Variants in CNBD1 observed in about 807,000 individuals in gnomAD.
CNBD1 encodes the protein cyclic nucleotide-binding domain-containing protein 1.
In CNBD1, 71 loss-of-function variants were observed where a neutral mutation model predicts 54.4. That is an observed-to-expected ratio of 1.30 (90% confidence interval 1.08 to 1.59). The LOEUF (loss-of-function observed/expected upper bound fraction) is 1.59, where lower values mean the gene tolerates loss of function less well. Among genes scored for constraint, CNBD1 ranks in the 40% most tolerant of loss-of-function variants. The probability of loss-of-function intolerance (pLI) is 0.00; values close to 1 mark genes in which losing one functional copy is unlikely to be tolerated. For missense variants in CNBD1, 659 were observed against 518.0 expected, an observed-to-expected ratio of 1.27 and a Z score of -2.64; for synonymous variants, 182 against 170.7, an observed-to-expected ratio of 1.07 and a Z score of -0.51.
chr8:87,083,657 C>T (rs537470496), intron 4 of CNBD1, among the ~76,000 whole-genome samples: 4 of 144,680 alleles, frequency 2.8e-5, no homozygotes, highest in South Asian at 2.2e-4. Context: ...GGCTGGATCT[C>T]GGCTAAGTGC....
intron 4 of CNBD1, among the ~76,000 whole-genome samples, chr8:87,009,461 C>T (rs1021967705): frequency 3.3e-5 from 5 of 151,892 alleles, no homozygotes; most frequent in Non-Finnish European, 5.9e-5. Context: ...CCACAACACC[C>T]GGCTAATTTT....
chr8:87,358,610 G>A (rs1039005977), intron 10 of CNBD1, among the ~76,000 whole-genome samples: 1 of 152,028 alleles, frequency 6.6e-6, no homozygotes, highest in Non-Finnish European at 1.5e-5. Context: ...TACAAGAGGC[G>A]ATCTATTATG....
intron 2 of CNBD1, among the ~76,000 whole-genome samples, chr8:87,423,344 G>T (rs1045839332): frequency 6.8e-6 from 1 of 147,922 alleles, no homozygotes; most frequent in Non-Finnish European, 1.5e-5. Context: ...GGGCATCCCT[G>T]TCTTGTGCCA....
Position 87,333,791 on chromosome 8 carries a change from G to A in CNBD1, c.1043-17894G>A, listed in dbSNP as rs184935708. 8.2e-4 allele frequency among the ~76,000 whole-genome samples: 125 copies of A among 152,148 alleles called. 1 individual carries two copies. Among genetic ancestry groups the A allele is most frequent in the African/African-American group, 2.6e-3 (109 of 41,508 alleles). On this transcript the variant is annotated intron_variant, in intron 8 of 10. Transcript: ENST00000518476. Reference sequence around the variant, plus strand: ...TGCCAGCATTTTATTGAGGATTTTCGCACCAGTGTTTATCAGGGATATTGG... The same window carrying A: ...TGCCAGCATTTTATTGAGGATTTTCACACCAGTGTTTATCAGGGATATTGG...
chr8:86,875,521 T>C (rs898960522), intron 1 of CNBD1, among the ~76,000 whole-genome samples: 2 of 152,256 alleles, frequency 1.3e-5, no homozygotes, highest in Admixed American at 1.3e-4. Context: ...GTACTTTTTT[T>C]AAATCTATAT....
chr8:87,123,582 A>T (rs1455945034), intron 4 of CNBD1, among the ~76,000 whole-genome samples: 3 of 151,684 alleles, frequency 2.0e-5, no homozygotes, highest in African/African-American at 7.2e-5. Flanking sequence ...TCTCAAATAA[A>T]TAATCTAATG....
chr8:86,929,203 A>G (rs953248626), intron 3 of CNBD1, among the ~76,000 whole-genome samples: 14 of 152,240 alleles, frequency 9.2e-5, no homozygotes, highest in Non-Finnish European at 1.8e-4. Flanking sequence ...ACTGCATGCA[A>G]TAACTCCATG....
At chr8:87,382,513 C>A in intron 10 of CNBD1, 107 bp from the exon 11 acceptor site, 1 of 794,712 alleles carries the variant, frequency 1.3e-6, no homozygotes. Flanking sequence ...AAAGCATAAC[C>A]CCTCTGACTC....
intron 1 of CNBD1, among the ~76,000 whole-genome samples, chr8:86,880,260 G>A (rs1038591642): frequency 6.6e-6 from 1 of 151,898 alleles, no homozygotes; most frequent in Non-Finnish European, 1.5e-5. Context: ...GGGATTACAG[G>A]AGACACACAG....
At chr8:86,945,418 T>C (rs372917157) in intron 4 of CNBD1, among the ~76,000 whole-genome samples, 5 of 152,180 alleles carry the variant, frequency 3.3e-5, no homozygotes, top group African/African-American at 1.2e-4. Context: ...ATCAGGGTTT[T>C]TGCCTTTTAG....
intron 4 of CNBD1, among the ~76,000 whole-genome samples, chr8:87,059,403 G>T (rs768841186): frequency 5.3e-5 from 8 of 152,044 alleles, no homozygotes; most frequent in Non-Finnish European, 1.0e-4. Context: ...CCCTACTTCT[G>T]GTACAAATTT....
intron 8 of CNBD1, among the ~76,000 whole-genome samples, chr8:87,339,814 C>T (rs1392808141): frequency 2.0e-5 from 3 of 151,660 alleles, no homozygotes; most frequent in African/African-American, 7.3e-5. Context: ...CTTCTCCCTT[C>T]TCACATTTAT....
chr8:87,269,235 A>T (rs964248072), intron 6 of CNBD1, among the ~76,000 whole-genome samples: 1 of 151,996 alleles, frequency 6.6e-6, no homozygotes, highest in African/African-American at 2.4e-5. Context: ...GGCTGTAGGT[A>T]TATGGCTTTA....
At chr8:87,185,165 C>A (rs999486001) in intron 4 of CNBD1, among the ~76,000 whole-genome samples, 4 of 152,050 alleles carry the variant, frequency 2.6e-5, no homozygotes, top group African/African-American at 9.7e-5. Context: ...CACATACAAT[C>A]AAAAAGAATG....
chr8:86,910,622 C>A (rs1809086881), intron 3 of CNBD1, among the ~76,000 whole-genome samples: 1 of 152,122 alleles, frequency 6.6e-6, no homozygotes, highest in Admixed American at 6.5e-5. Context: ...TTAATATCTA[C>A]CCTTTAAGCA....
chr8:87,286,709 CTGTTA>C, intron 8 of CNBD1, 38 bp downstream of exon 8: 1 of 1,410,528 alleles, frequency 7.1e-7, no homozygotes, highest in South Asian at 1.3e-5. Context: ...TGTTTGCATT[CTGTTA>C]TATTATTGGA....
chr8:86,889,899 T>C (rs763554793), intron 2 of CNBD1, among the ~76,000 whole-genome samples: 18 of 152,168 alleles, frequency 1.2e-4, no homozygotes, highest in Non-Finnish European at 1.9e-4. Flanking sequence ...CTGTGTTGAT[T>C]ATAAATAAGT....
intron 10 of CNBD1, among the ~76,000 whole-genome samples, chr8:87,363,522 T>C (rs1317429443): frequency 6.6e-6 from 1 of 152,150 alleles, no homozygotes; most frequent in African/African-American, 2.4e-5. Flanking sequence ...CATGTAAGTT[T>C]CCTAACTTTT....
At position 86,994,787 on chromosome 8, in the gene CNBD1, G is replaced by A. The variant is rs189791341; in HGVS notation, c.431+55033G>A. ...TTTTCTGTCTGAAGATCTGCTCAAA[G>A]TAGGTTGGTTTTGTTGATATTTTGG... On this transcript the variant is annotated intron_variant, in intron 4 of 10. Coordinates refer to ENST00000518476, the MANE Select transcript of CNBD1 (RefSeq NM_173538.3). Among the ~76,000 whole-genome samples the A allele has an allele frequency of 4.6e-4, 70 of 152,238 alleles. 1 individual carries two copies. In the East Asian group the frequency reaches 0.013, roughly 27 times the overall value.
Sources: gnomAD v4.1 joint callset for allele counts (sites outside exome capture counted in the v4.1 genomes callset) on GRCh38, gnomAD v4.1.1 for gene constraint, MANE v1.5 for transcripts, NCBI Gene and HGNC (gene_info 2026-07-23, HGNC 2026-07-21) for gene names.